The following ITSN2 variants were observed in gnomAD, a reference collection of about 807,000 sequenced individuals.
The protein encoded by ITSN2 is intersectin 2.
A neutral mutation model predicts 243.7 loss-of-function variants in ITSN2; 156 were observed. The ratio of observed to expected loss-of-function variants is 0.64; its 90% CI spans 0.56 to 0.73. The LOEUF (loss-of-function observed/expected upper bound fraction) is 0.73, where lower values mean the gene tolerates loss of function less well. Among genes scored for constraint, ITSN2 ranks in the 30% least tolerant of loss-of-function variants. ITSN2 has a pLI of 0.00. For synonymous variants in ITSN2, 703 were observed against 699.9 expected (o/e 1.00, Z -0.07); for missense variants, 1,801 against 1,996.1 (o/e 0.90, Z 1.86).
chr2:24,232,932 C>T (rs779814482), intron 29 of ITSN2, among the ~76,000 whole-genome samples: 3 of 152,112 alleles, frequency 2.0e-5, no homozygotes, highest in Non-Finnish European at 2.9e-5. Context: ...ATTCTGAATG[C>T]CAATTAGCCC....
intron 29 of ITSN2, among the ~76,000 whole-genome samples, chr2:24,231,825 G>T (rs767405469): frequency 6.6e-6 from 1 of 152,146 alleles, no homozygotes; most frequent in Non-Finnish European, 1.5e-5. Context: ...GAGCAGTGCC[G>T]GTGAACAATG....
At position 24,212,752 on chromosome 2, in the gene ITSN2, C is replaced by CA. The variant is rs1669615001; in HGVS notation, c.3991-5dup. On this transcript the variant is annotated splice_region_variant and splice_polypyrimidine_tract_variant and intron_variant, in intron 32 of 39. Coordinates refer to ENST00000355123, the MANE Select transcript of ITSN2 (RefSeq NM_006277.3). ...ACCGCGGGTCAGATGCCAGCTTCTG[C>CA]AAAACAACAGTGAGGCTCGTGAGGA... is the stretch of plus-strand genomic sequence containing the variant. 1 of 1,612,772 alleles carries CA rather than the reference C, an allele frequency of 6.2e-7. No homozygotes were observed.
Position 24,248,752 on chromosome 2 carries a change from T to C in ITSN2, c.3167-2A>G. 6.2e-7 allele frequency: 1 copy of C among 1,613,088 alleles called. No homozygotes were observed. The highest frequency in any genetic ancestry group is 8.5e-7 in the Non-Finnish European group (1 of 1,179,644). The stretch of plus-strand genomic sequence containing the variant: ...ATGCTGAAGTTACCTGAGCAATCTC[T>C]GAAAAGACAAAGAAGAAACTATGAA... On this transcript the variant is annotated splice_acceptor_variant, in intron 26 of 39. Transcript: ENST00000355123. LOFTEE classifies it high-confidence loss of function.
chr2:24,282,605 C>T (rs1678932135), intron 17 of ITSN2, among the ~76,000 whole-genome samples: 2 of 152,152 alleles, frequency 1.3e-5, no homozygotes, highest in South Asian at 4.2e-4. Context: ...TAACACACCC[C>T]CACTGGGGCT....
chr2:24,301,978 G>C lies in ITSN2; in HGVS notation c.982C>G (p.Pro328Ala). 6.2e-7 allele frequency: 1 copy of C among 1,608,870 alleles called. No individual in the cohort carries two copies. Among genetic ancestry groups the C allele is most frequent in the Non-Finnish European group, 8.5e-7 (1 of 1,177,204 alleles). Residue 328 changes from proline to alanine, a missense_variant, in exon 10 of 40, where the codon CCT (proline) becomes GCT (alanine). Pro to Ala is a conservative substitution (Grantham distance 27, BLOSUM62 -1). Around this residue, in one of 5 missense-constraint regions of ITSN2, gnomAD observed 787 missense variants for 803.9 expected, o/e 0.98. Coordinates refer to ENST00000355123, the MANE Select transcript of ITSN2 (RefSeq NM_006277.3). ...LPLTLPPELVPPSFRGGKQID... is the reference protein window; with the variant it reads ...LPLTLPPELVAPSFRGGKQID... ...AGGCACACTCACCTGAAAGATGGAGGAACAAGCTCAGGAGGTAAAGTCAGT... is the reference window on the plus strand; with the variant it reads ...AGGCACACTCACCTGAAAGATGGAGCAACAAGCTCAGGAGGTAAAGTCAGT...
intron 1 of ITSN2, among the ~76,000 whole-genome samples, chr2:24,349,647 A>C (rs920425403): frequency 3.9e-5 from 6 of 152,270 alleles, no homozygotes; most frequent in Admixed American, 6.5e-5. Context: ...ATTTTTTTAA[A>C]GGAATAAAAG....
Position 24,287,595 on chromosome 2 carries a change from ATTTT to A in ITSN2, c.1724-1248_1724-1245del, listed in dbSNP as rs1247860970. Reference sequence around the variant, plus strand: ...CTGGATCATACAAGAGTTCTATCTTATTTTTTTTAGAAACCTTCATACTGTTTTC... The same window carrying A: ...CTGGATCATACAAGAGTTCTATCTTATTTTAGAAACCTTCATACTGTTTTC... On this transcript the variant is annotated intron_variant, in intron 15 of 39. Coordinates refer to ENST00000355123, the MANE Select transcript of ITSN2 (RefSeq NM_006277.3). Among the ~76,000 whole-genome samples the A allele has an allele frequency of 3.3e-5, 5 of 151,794 alleles. No homozygotes were observed. The East Asian group carries it at 9.6e-4, about 29-fold the overall frequency.
intron 20 of ITSN2, among the ~76,000 whole-genome samples, chr2:24,264,459 T>C (rs1172166877): frequency 1.3e-5 from 2 of 151,676 alleles, no homozygotes; most frequent in African/African-American, 4.8e-5. Context: ...TGAAAAACTT[T>C]GAGTAACCCG....
At chr2:24,227,002 G>C (rs1045981420) in intron 29 of ITSN2, among the ~76,000 whole-genome samples, 1 of 152,082 alleles carries the variant, frequency 6.6e-6, no homozygotes, top group Admixed American at 6.5e-5. Context: ...TGTAGTCCCA[G>C]CTACTTGGGA....
Position 24,248,380 on chromosome 2 carries a change from T to C in ITSN2, c.3288+249A>G, listed in dbSNP as rs141278435. Among the ~76,000 whole-genome samples, 254 of 152,296 alleles carry C rather than the reference T, an allele frequency of 1.7e-3. 2 individuals carry two copies. Among genetic ancestry groups the C allele is most frequent in the African/African-American group, 5.6e-3 (234 of 41,570 alleles). On this transcript the variant is annotated intron_variant, in intron 27 of 39. Transcript: ENST00000355123. ...GATCTGTGAATTATAAAGGAATGCA[T>C]TATTGGAAAACAATTATGTCTTTGG...
At chr2:24,315,651 G>C (rs891697744) in intron 2 of ITSN2, among the ~76,000 whole-genome samples, 3 of 152,144 alleles carry the variant, frequency 2.0e-5, no homozygotes, top group Non-Finnish European at 4.4e-5. Context: ...TCAGAGGAGG[G>C]GCCTGGTGGG....
At position 24,248,743 on chromosome 2, in the gene ITSN2, A is replaced by G; in HGVS notation, c.3174T>C (p.Ala1058=). 1 of 1,613,506 alleles carries G rather than the reference A, an allele frequency of 6.2e-7. No individual in the cohort carries two copies. The highest frequency in any genetic ancestry group is 8.5e-7 in the Non-Finnish European group (1 of 1,179,768). The change falls in exon 27 of 40, where the codon GCT becomes GCC. Residue 1058 remains alanine (A), a synonymous_variant. Coordinates refer to ENST00000355123, the MANE Select transcript of ITSN2 (RefSeq NM_006277.3). ...SGASNKKPEI[A]QVTSAYVASG... Reference sequence around the variant, plus strand: ...AAGCAACATATGCTGAAGTTACCTGAGCAATCTCTGAAAAGACAAAGAAGA... The same window carrying G: ...AAGCAACATATGCTGAAGTTACCTGGGCAATCTCTGAAAAGACAAAGAAGA...
chr2:24,310,573 G>A lies in ITSN2; in HGVS notation c.472C>T (p.Leu158=), dbSNP rs1263978096. The change falls in exon 6 of 40, where the codon CTA becomes TTA. Residue 158 remains leucine (L), a synonymous_variant. Transcript: ENST00000355123. The stretch of plus-strand genomic sequence containing the variant: ...GATGATGTGCTAACAGAAGGCACTA[G>A]GGGAGTGGGCATCATTAAGGGAGGA... ...NLPPLMMPTP[L]VPSVSTSSLP... is the part of the protein sequence containing the mutation. 7.4e-6 allele frequency: 12 copies of A among 1,614,012 alleles called. No homozygotes were observed. In the East Asian group the frequency reaches 2.4e-4, roughly 33 times the overall value.
rs764409422 is a variant in ITSN2, at chr2:24,258,092, C to T, written c.2684G>A (p.Gly895Glu). ...TGCTTTTAAGTTTTCTACCACTTGT[C>T]CCTATGAATACAAAACCACCAAAAA... ...PGSVSPIHGQ[G>E]QVVENLKAQA... The change falls in exon 23 of 40, where the codon GGA (glycine) becomes GAA (glutamate). Residue 895 changes from glycine (G) to glutamate (E), a missense_variant and splice_region_variant. Gly to Glu is a moderately conservative substitution (Grantham distance 98). This residue lies in a region of ITSN2 where 928 missense variants were observed against 1,065.4 expected (regional missense o/e 0.87). Coordinates refer to ENST00000355123, the MANE Select transcript of ITSN2 (RefSeq NM_006277.3). 8 of 1,612,638 alleles carry T rather than the reference C, an allele frequency of 5.0e-6. No homozygotes were observed. The Admixed American group carries it at 8.3e-5, about 17-fold the overall frequency.
At chr2:24,260,112 G>C (rs1675618282) in intron 22 of ITSN2, among the ~76,000 whole-genome samples, 1 of 151,980 alleles carries the variant, frequency 6.6e-6, no homozygotes, top group South Asian at 2.1e-4. Flanking sequence ...GTAGAGATGA[G>C]GTCTTGCTGT....
At chr2:24,246,612 T>C (rs1157632414) in intron 28 of ITSN2, among the ~76,000 whole-genome samples, 185 bp downstream of exon 28, 1 of 152,172 alleles carries the variant, frequency 6.6e-6, no homozygotes, top group East Asian at 1.9e-4. Context: ...CAAGTATCAG[T>C]GAATAAGCTG....
chr2:24,225,020 TAA>T lies in ITSN2; in HGVS notation c.3578-3956_3578-3955del, dbSNP rs781523495. 3.5e-4 allele frequency among the ~76,000 whole-genome samples: 53 copies of T among 152,180 alleles called. No individual in the cohort carries two copies. Among genetic ancestry groups the T allele is most frequent in the Non-Finnish European group, 5.4e-4 (37 of 68,006 alleles). On this transcript the variant is annotated intron_variant, in intron 29 of 39. Coordinates refer to ENST00000355123, the MANE Select transcript of ITSN2 (RefSeq NM_006277.3). The surrounding 1 kb of genome is among the most constrained non-coding windows in gnomAD (Gnocchi z 4.2). ...CTTACCTCTGATGTCAGGGAAAAAA[TAA>T]AGACACGAGGCCTCTCTTCCTCCCC...
At chr2:24,323,454 TAA>T (rs1220607360) in intron 2 of ITSN2, among the ~76,000 whole-genome samples, 1 of 152,198 alleles carries the variant, frequency 6.6e-6, no homozygotes, top group Non-Finnish European at 1.5e-5. Flanking sequence ...GATATTTTGC[TAA>T]GTCACAGAAG....
intron 17 of ITSN2, among the ~76,000 whole-genome samples, chr2:24,277,084 T>G (rs1175077008): frequency 1.3e-5 from 2 of 152,204 alleles, no homozygotes; most frequent in African/African-American, 4.8e-5. Flanking sequence ...GGTCCTAGGA[T>G]GCTTCTAATA....
Sources: allele counts gnomAD v4.1 joint callset (sites outside exome capture counted in the v4.1 genomes callset), GRCh38; gene constraint gnomAD v4.1.1; regional missense constraint gnomAD v4.1.1; non-coding constraint Gnocchi (gnomAD v3.1); transcripts MANE v1.5; gene names NCBI Gene and HGNC (gene_info 2026-07-23, HGNC 2026-07-21).